Variants in EDN1 observed in about 807,000 individuals in gnomAD.
The protein encoded by EDN1 is endothelin-1.
Under a neutral mutation model 21.7 loss-of-function variants are expected in EDN1, and 11 were observed. The observed-to-expected ratio is 0.51, with a 90% CI of 0.32 to 0.84. EDN1 has a LOEUF of 0.84. Among genes scored for constraint, EDN1 ranks in the 40% least tolerant of loss-of-function variants. EDN1 has a pLI of 0.03. For synonymous variants in EDN1, 85 were observed against 90.6 expected (o/e 0.94, Z 0.35); for missense variants, 244 against 262.3 (o/e 0.93, Z 0.48).
chr6:12,265,983 A>G, the EDN1 span, among the ~76,000 whole-genome samples: 1 of 152,150 alleles, frequency 6.6e-6, no homozygotes, highest in Non-Finnish European at 1.5e-5. Flanking sequence ...CTGCTTGACA[A>G]AGTTTCTCCC....
At chr6:12,237,908 G>C in the EDN1 span, among the ~76,000 whole-genome samples, 4 of 152,116 alleles carry the variant, frequency 2.6e-5, no homozygotes, top group Admixed American at 6.5e-5. Context: ...GGTGGCTCAC[G>C]CCTGTAATCC....
chr6:12,282,364 T>G, the EDN1 span, among the ~76,000 whole-genome samples: 1 of 152,212 alleles, frequency 6.6e-6, no homozygotes, highest in Admixed American at 6.5e-5. Flanking sequence ...ATGTTAGCCC[T>G]CCCTGGCTAA....
At chr6:12,257,036 G>C in the EDN1 span, among the ~76,000 whole-genome samples, 1 of 122,550 alleles carries the variant, frequency 8.2e-6, no homozygotes, top group African/African-American at 3.2e-5. Flanking sequence ...TGAAGAGTAT[G>C]AAAAAGAGTA....
chr6:12,237,689 A>G, the EDN1 span, among the ~76,000 whole-genome samples: 114 of 152,242 alleles, frequency 7.5e-4, no homozygotes, highest in African/African-American at 2.5e-3. Context: ...TAATGATGCT[A>G]TACAGACACT....
chr6:12,271,213 A>C, the EDN1 span, among the ~76,000 whole-genome samples: 1 of 151,946 alleles, frequency 6.6e-6, no homozygotes, highest in African/African-American at 2.4e-5. Flanking sequence ...TACTCCTGCT[A>C]TTTTATTAAT....
At chr6:12,231,675 G>C in the EDN1 span, among the ~76,000 whole-genome samples, 2 of 151,946 alleles carry the variant, frequency 1.3e-5, no homozygotes, top group African/African-American at 2.4e-5. Flanking sequence ...TAAACAGAGA[G>C]GAATTGGTGA....
the EDN1 span, among the ~76,000 whole-genome samples, chr6:12,255,608 G>T: frequency 6.6e-6 from 1 of 152,224 alleles, no homozygotes; most frequent in African/African-American, 2.4e-5. Flanking sequence ...GATTTTGGCT[G>T]TGGAAGTCTG....
At chr6:12,253,281 T>G in the EDN1 span, among the ~76,000 whole-genome samples, 1 of 152,222 alleles carries the variant, frequency 6.6e-6, no homozygotes, top group Non-Finnish European at 1.5e-5. Context: ...AATCACTTTT[T>G]CAGTAATATT....
rs149316725 is a variant in EDN1 at position 12,294,388 on chromosome 6, C to A, written c.517C>A (p.His173Asn). The A allele has an allele frequency of 3.2e-5, 51 of 1,614,090 alleles. No homozygotes were observed. In the African/African-American group the frequency reaches 5.7e-4, roughly 18 times the overall value. The change falls in exon 4 of 5, where the codon CAC becomes AAC. Residue 173 changes from histidine (H) to asparagine (N), a missense_variant. Physicochemically the swap from His to Asn is moderately conservative, Grantham distance 68. Transcript: ENST00000379375. ...GRKIRRSSEE[H>N]LRQTRSETMR... Reference sequence around the variant, plus strand: ...AAAAATCAGAAGAAGTTCAGAGGAACACCTAAGACAAACCAGGTAAGAGGG... The same window carrying A: ...AAAAATCAGAAGAAGTTCAGAGGAAAACCTAAGACAAACCAGGTAAGAGGG...
chr6:12,265,243 T>C, the EDN1 span, among the ~76,000 whole-genome samples: 1 of 152,206 alleles, frequency 6.6e-6, no homozygotes, highest in South Asian at 2.1e-4. Flanking sequence ...GCCTGATATG[T>C]AATAATTTCT....
the EDN1 span, among the ~76,000 whole-genome samples, chr6:12,282,341 C>T: frequency 2.6e-5 from 4 of 152,190 alleles, no homozygotes; most frequent in Admixed American, 2.6e-4. Context: ...TGTGCAAATG[C>T]TTTATCTAGA....
chr6:12,258,499 T>C, the EDN1 span, among the ~76,000 whole-genome samples: 1 of 142,388 alleles, frequency 7.0e-6, no homozygotes, highest in Admixed American at 7.0e-5. Flanking sequence ...GCAACATTTC[T>C]AGATCAAAGG....
At position 12,292,430 on chromosome 6, in the gene EDN1, C is replaced by A; in HGVS notation, c.154C>A (p.Arg52Ser). Residue 52 changes from arginine to serine, a missense_variant, in exon 2 of 5, where the codon CGC becomes AGC. By Grantham distance (110) the Arg-to-Ser change is moderately radical. Transcript: ENST00000379375. ...ACCCTGGCGGCTCCGCCGGTCCAAG[C>A]GCTGCTCCTGCTCGTCCCTGATGGA... is the stretch of plus-strand genomic sequence containing the variant. Reference protein sequence around the residue: ...SPPWRLRRSKRCSCSSLMDKE... With the variant: ...SPPWRLRRSKSCSCSSLMDKE... 1 of 1,614,212 alleles carries A rather than the reference C, an allele frequency of 6.2e-7. No homozygotes were observed. The highest frequency in any genetic ancestry group is 1.1e-5 in the South Asian group (1 of 91,090).
chr6:12,294,126 A>C, intron 3 of EDN1, 30 bp downstream of exon 3: 2 of 1,614,164 alleles, frequency 1.2e-6, no homozygotes, highest in Non-Finnish European at 1.7e-6. Flanking sequence ...CTTTTCAATC[A>C]GTTTAACAGC....
the EDN1 span, among the ~76,000 whole-genome samples, chr6:12,233,741 T>C: frequency 9.2e-5 from 14 of 152,258 alleles, no homozygotes; most frequent in South Asian, 4.1e-4. Flanking sequence ...CCTGTACTCA[T>C]AGCTGGAGGC....
At chr6:12,260,323 A>T in the EDN1 span, among the ~76,000 whole-genome samples, 1 of 152,172 alleles carries the variant, frequency 6.6e-6, no homozygotes, top group Non-Finnish European at 1.5e-5. Context: ...TAAAATCAAA[A>T]GTAAGGAGCT....
chr6:12,239,770 A>T, the EDN1 span, among the ~76,000 whole-genome samples: 1 of 151,994 alleles, frequency 6.6e-6, no homozygotes, highest in Admixed American at 6.6e-5. Flanking sequence ...TTAGCTGGGC[A>T]TGGTGGTGTG....
the EDN1 span, among the ~76,000 whole-genome samples, chr6:12,279,982 A>C: frequency 6.6e-6 from 1 of 152,234 alleles, no homozygotes; most frequent in African/African-American, 2.4e-5. Flanking sequence ...TTGATGAAGA[A>C]GAAAAAAGAT....
chr6:12,274,974 C>CTCCT, the EDN1 span, among the ~76,000 whole-genome samples: 7 of 138,660 alleles, frequency 5.0e-5, no homozygotes, highest in African/African-American at 1.9e-4. Flanking sequence ...TCCTTCCTTG[C>CTCCT]TCCTTCCTTC....
Sources: allele counts gnomAD v4.1 joint callset (sites outside exome capture counted in the v4.1 genomes callset), GRCh38; gene constraint gnomAD v4.1.1; transcripts MANE v1.5; gene names NCBI Gene and HGNC (gene_info 2026-07-23, HGNC 2026-07-21).